SLC26A9: variants seen among roughly 807,000 people sequenced by gnomAD.
SLC26A9 encodes the protein solute carrier family 26 member 9.
SLC26A9 carries 46 observed loss-of-function variants against 87.1 expected under a neutral mutation model. The ratio of observed to expected loss-of-function variants is 0.53; its 90% CI spans 0.42 to 0.67. The LOEUF is 0.67. Ranked by LOEUF, SLC26A9 falls within the 30% of genes least tolerant of loss-of-function variation. The pLI, the probability that SLC26A9 is intolerant of heterozygous loss-of-function variation, is 0.00. For synonymous variants in SLC26A9, 437 were observed against 409.1 expected, an observed-to-expected ratio of 1.07 and a Z score of -0.82; for missense variants, 927 against 1,018.3, an observed-to-expected ratio of 0.91 and a Z score of 1.22.
chr1:205,930,179 G>A, intron 5 of SLC26A9, 123 bp from the exon 6 acceptor site: 1 of 1,096,096 alleles, frequency 9.1e-7, no homozygotes, highest in Non-Finnish European at 1.3e-6. Flanking sequence ...GTAGCTTGAG[G>A]GAATTGGACC....
In SLC26A9 at chr1:205,935,693, T is replaced by C. The variant is rs373024719; in HGVS notation, c.125+3A>G. ...GCAGAAGTCTGGGCTCTGGACCAGT[T>C]ACCTGAAGGCATTGCGAAGTTTCTC... is the stretch of plus-strand genomic sequence containing the variant. On this transcript the variant is annotated splice_donor_region_variant and intron_variant, in intron 2 of 20. Coordinates refer to ENST00000367135, the MANE Select transcript of SLC26A9 (RefSeq NM_052934.4). 38 of 1,613,874 alleles carry C rather than the reference T, an allele frequency of 2.4e-5. No individual in the cohort carries two copies. In the African/African-American group the frequency reaches 4.9e-4, roughly 21 times the overall value.
At chr1:205,936,488 C>T (rs1433088371) in intron 1 of SLC26A9, among the ~76,000 whole-genome samples, 2 of 152,164 alleles carry the variant, frequency 1.3e-5, no homozygotes, top group African/African-American at 4.8e-5. Context: ...CCCTTGTGTA[C>T]TGCCGCTCCT....
At chr1:205,935,978 C>G (rs1370447746) in intron 1 of SLC26A9, 140 bp from the exon 2 acceptor site, 3 of 1,088,140 alleles carry the variant, frequency 2.8e-6, no homozygotes, top group African/African-American at 1.6e-5. Context: ...CCTCCCTTCC[C>G]TCTGTCAAGT....
In SLC26A9 at chr1:205,927,375, A is replaced by C. The variant is rs1659116793; in HGVS notation, c.1216-87T>G. 6 of 1,567,384 alleles carry C rather than the reference A, an allele frequency of 3.8e-6. No homozygotes were observed. In the South Asian group the frequency reaches 6.7e-5, roughly 17 times the overall value. On this transcript the variant is annotated intron_variant, in intron 10 of 20. Coordinates refer to ENST00000367135, the MANE Select transcript of SLC26A9 (RefSeq NM_052934.4). ...CCAATCCATGGCTTTGGTGGAGTGG[A>C]GACTAAGACGGGAAGAAGGGGTCGG...
chr1:205,926,162 A>G (rs1270159006), intron 12 of SLC26A9, among the ~76,000 whole-genome samples: 2 of 152,186 alleles, frequency 1.3e-5, no homozygotes, highest in Non-Finnish European at 2.9e-5. Flanking sequence ...GCTGTATGTC[A>G]TAAAGTAGTC....
At position 205,927,473 on chromosome 1, in the gene SLC26A9, C is replaced by G. The variant is rs780074824; in HGVS notation, c.1215+19G>C. The G allele has an allele frequency of 3.7e-6, 6 of 1,611,464 alleles. No individual in the cohort carries two copies. The highest frequency in any genetic ancestry group is 5.1e-6 in the Non-Finnish European group (6 of 1,178,284). ...GTTCTCTTACCACCTCCCCCCAACT[C>G]CCCTAGAACAAGGCTCACCTGGGAT... is the stretch of plus-strand genomic sequence containing the variant. On this transcript the variant is annotated intron_variant, in intron 10 of 20. Transcript: ENST00000367135.
Position 205,929,150 on chromosome 1 carries a change from T to G in SLC26A9, c.870+54A>C, listed in dbSNP as rs1659203006. The G allele has an allele frequency of 3.2e-6, 5 of 1,582,512 alleles. No homozygotes were observed. In the South Asian group the frequency reaches 5.8e-5, roughly 19 times the overall value. On this transcript the variant is annotated intron_variant, in intron 7 of 20. Transcript: ENST00000367135. ...GATGGGGTGAGGAAAGGTAGGGGCTTCCTCGTCTCACAGCCTGGCCCCCCA... is the reference window on the plus strand; with the variant it reads ...GATGGGGTGAGGAAAGGTAGGGGCTGCCTCGTCTCACAGCCTGGCCCCCCA...
At position 205,932,009 on chromosome 1, in the gene SLC26A9, C is replaced by T. The variant is rs759657749; in HGVS notation, c.403G>A (p.Val135Met). 6 of 1,614,050 alleles carry T rather than the reference C, an allele frequency of 3.7e-6. No homozygotes were observed. In the South Asian group the frequency reaches 6.6e-5, roughly 18 times the overall value. ...PGTFAVISIL[V>M]GNICLQLAPE... ...GCCAGCTGCAGACAGATGTTACCCA[C>T]CAGGATGCTGATAACGGCAAAGGTA... The change falls in exon 5 of 21, where the codon GTG (valine) becomes ATG (methionine). Residue 135 changes from valine to methionine, a missense_variant. Coordinates refer to ENST00000367135, the MANE Select transcript of SLC26A9 (RefSeq NM_052934.4).
rs542138712 is a variant in SLC26A9 at position 205,934,446 on chromosome 1, T to C, written c.125+1250A>G. 2.0e-5 allele frequency among the ~76,000 whole-genome samples: 3 copies of C among 152,188 alleles called. No homozygotes were observed. The South Asian group carries it at 6.2e-4, about 32-fold the overall frequency. ...TGGCTAGGGAAAGAAAAACAACTCA[T>C]TTGAGGGCTAGTCCATGCCCAACCT... On this transcript the variant is annotated intron_variant, in intron 2 of 20. Coordinates refer to ENST00000367135, the MANE Select transcript of SLC26A9 (RefSeq NM_052934.4).
In SLC26A9 at chr1:205,913,107, A is replaced by C. The variant is rs1243756498; in HGVS notation, c.*2250T>G. 1 of 152,222 alleles carries C rather than the reference A, an allele frequency of 6.6e-6. No homozygotes were observed. Among genetic ancestry groups the C allele is most frequent in the Non-Finnish European group, 1.5e-5 (1 of 68,044 alleles). 9.4% of individuals were successfully genotyped at this position (152,222 alleles called of 1,614,324 possible). A position where few individuals can be genotyped will look rare whatever the true frequency, so the allele number is the denominator to read the frequency against. On this transcript the variant is annotated 3_prime_UTR_variant, in exon 21 of 21. Transcript: ENST00000367135. Reference sequence around the variant, plus strand: ...ATGAACAAAAGGAGAATGAGGCTTAAATTAAATAAATTATGCAAATATCTC... The same window carrying C: ...ATGAACAAAAGGAGAATGAGGCTTACATTAAATAAATTATGCAAATATCTC...
intron 1 of SLC26A9, among the ~76,000 whole-genome samples, chr1:205,940,073 G>C (rs986395486): frequency 3.9e-5 from 6 of 152,166 alleles, no homozygotes; most frequent in Non-Finnish European, 7.4e-5. Flanking sequence ...GGACTTAGAG[G>C]GGGTCTGTAG....
At chr1:205,919,624 C>T (rs1210484880) in intron 18 of SLC26A9, among the ~76,000 whole-genome samples, 2 of 152,178 alleles carry the variant, frequency 1.3e-5, no homozygotes, top group Non-Finnish European at 2.9e-5. Context: ...TCCCACATCT[C>T]TGCACTTTGC....
intron 20 of SLC26A9, among the ~76,000 whole-genome samples, chr1:205,915,756 C>G (rs145915439): frequency 6.6e-6 from 1 of 152,132 alleles, no homozygotes; most frequent in Admixed American, 6.5e-5. Context: ...TCCTTTCTCA[C>G]GTTGATAAGC....
chr1:205,915,444 A>G (rs1314817818), intron 20 of SLC26A9, 40 bp from the exon 21 acceptor site: 1 of 1,613,284 alleles, frequency 6.2e-7, no homozygotes, highest in Non-Finnish European at 8.5e-7. Flanking sequence ...GGGAAGAGAG[A>G]GGTTAGACCA....
At chr1:205,919,996 T>C (rs546892788) in intron 18 of SLC26A9, among the ~76,000 whole-genome samples, 180 bp downstream of exon 18, 1 of 152,286 alleles carries the variant, frequency 6.6e-6, no homozygotes, top group East Asian at 1.9e-4. Context: ...CTAGGATGTT[T>C]ATGCAATCTG....
At chr1:205,922,246 C>T (rs367728688) in intron 16 of SLC26A9, among the ~76,000 whole-genome samples, 3 of 152,226 alleles carry the variant, frequency 2.0e-5, no homozygotes, top group Non-Finnish European at 4.4e-5. Context: ...AAGTGATTCT[C>T]GTGCCTCAGC....
In SLC26A9 at chr1:205,915,178, C is replaced by G; in HGVS notation, c.*179G>C. 6.2e-7 allele frequency: 1 copy of G among 1,611,740 alleles called. No individual in the cohort carries two copies. The highest frequency in any genetic ancestry group is 8.5e-7 in the Non-Finnish European group (1 of 1,178,372). On this transcript the variant is annotated 3_prime_UTR_variant, in exon 21 of 21. Transcript: ENST00000367135. The stretch of plus-strand genomic sequence containing the variant: ...GTAGCACCCCCCTGCTGCTGAGAGG[C>G]TCTCTCTGGAGATGCGGGGAGGGAA...
At chr1:205,940,214 G>A (rs1001604183) in intron 1 of SLC26A9, among the ~76,000 whole-genome samples, 33 of 152,260 alleles carry the variant, frequency 2.2e-4, no homozygotes, top group African/African-American at 7.2e-4. Context: ...CGTGCGAGCC[G>A]GAGTAGCTGG....
chr1:205,921,437 G>T, intron 17 of SLC26A9, 129 bp downstream of exon 17: 1 of 1,217,860 alleles, frequency 8.2e-7, no homozygotes, highest in Non-Finnish European at 1.1e-6. Flanking sequence ...GGGATTCCTA[G>T]GAGCTGTTAG....
Sources: allele counts gnomAD v4.1 joint callset (sites outside exome capture counted in the v4.1 genomes callset), GRCh38; gene constraint gnomAD v4.1.1; transcripts MANE v1.5; gene names NCBI Gene and HGNC (gene_info 2026-07-23, HGNC 2026-07-21).